Variants in RAB43 observed in about 807,000 individuals in gnomAD.
The protein encoded by RAB43 is RAB43, member RAS oncogene family.
In RAB43, 6 loss-of-function variants were observed where a neutral mutation model predicts 18.8. The ratio of observed to expected loss-of-function variants is 0.32; its 90% confidence interval spans 0.17 to 0.63. The LOEUF is 0.63. Among genes scored for constraint, RAB43 ranks in the 30% least tolerant of loss-of-function variants. The pLI is 0.79. For synonymous variants in RAB43, 103 were observed against 124.1 expected (o/e 0.83, Z 1.13); for missense variants, 195 against 289.1 (o/e 0.67, Z 2.36).
rs115733565 is a variant in RAB43, at chr3:129,107,013, G to A, written c.205-11844C>T. Reference sequence around the variant, plus strand: ...GCACAGTAACCCACGACGTTTTGCAGGCCTGGTGAAAGCAAGGGGCCAGAG... The same window carrying A: ...GCACAGTAACCCACGACGTTTTGCAAGCCTGGTGAAAGCAAGGGGCCAGAG... On this transcript the variant is annotated intron_variant, in intron 1 of 2. Transcript: ENST00000315150. The surrounding 1 kb of genome is among the most constrained non-coding windows in gnomAD (Gnocchi z 4.2). Among the ~76,000 whole-genome samples the A allele has an allele frequency of 5.2e-3, 791 of 152,330 alleles. 7 individuals carry two copies. The highest frequency in any genetic ancestry group is 0.016 in the African/African-American group (677 of 41,572).
At position 129,107,229 on chromosome 3, in the gene RAB43, T is replaced by C. The variant is rs564879484; in HGVS notation, c.205-12060A>G. ...CTCCGAAGCCTGGTGTCCTTTACCA[T>C]GGACGCGGCTCCTCCGCAAGCACAT... On this transcript the variant is annotated intron_variant, in intron 1 of 2. Transcript: ENST00000315150. The surrounding 1 kb of genome is among the most constrained non-coding windows in gnomAD (Gnocchi z 4.2). Among the ~76,000 whole-genome samples, 4 of 152,326 alleles carry C rather than the reference T, an allele frequency of 2.6e-5. No homozygotes were observed. Among genetic ancestry groups the C allele is most frequent in the East Asian group, 1.9e-4 (1 of 5,172 alleles).
intron 2 of RAB43, among the ~76,000 whole-genome samples, chr3:129,094,685 T>G (rs954866166): frequency 6.6e-6 from 1 of 151,692 alleles, no homozygotes; most frequent in African/African-American, 2.4e-5. Context: ...CGGCTAATTT[T>G]TTTTTATTTT....
upstream of RAB43, chr3:129,121,850 G>T (rs1424111718): frequency 2.1e-5 from 1 of 47,410 alleles, no homozygotes; most frequent in Admixed American, 2.4e-4. Context: ...CCCCGGCTCC[G>T]CCCTCAGGCT....
chr3:129,093,134 G>C (rs1043648531), intron 2 of RAB43, among the ~76,000 whole-genome samples: 1 of 151,868 alleles, frequency 6.6e-6, no homozygotes, highest in Non-Finnish European at 1.5e-5. Context: ...GGGATTACAG[G>C]TGTGTGCCAC....
Position 129,121,424 on chromosome 3 carries a change from C to G in RAB43, c.66G>C (p.Val22=). 6.2e-7 allele frequency: 1 copy of G among 1,613,392 alleles called. No individual in the cohort carries two copies. The highest frequency in any genetic ancestry group is 8.5e-7 in the Non-Finnish European group (1 of 1,179,678). The change falls in exon 1 of 3, where the codon GTG becomes GTC. Residue 22 remains valine (V), a synonymous_variant. Coordinates refer to ENST00000315150, the MANE Select transcript of RAB43 (RefSeq NM_198490.3). Reference sequence around the variant, plus strand: ...TGCCCACGCTTGCGTCGCCCACCAGCACCAGCTTGAACAGGAAATCGTACT... The same window carrying G: ...TGCCCACGCTTGCGTCGCCCACCAGGACCAGCTTGAACAGGAAATCGTACT... ...DEQYDFLFKL[V]LVGDASVGKT...
chr3:129,092,471 A>C (rs898921634), intron 2 of RAB43: 13 of 696,674 alleles, frequency 1.9e-5, no homozygotes, highest in Middle Eastern at 2.3e-4. Context: ...TCATTATTAT[A>C]CTATTCTAAG....
chr3:129,112,294 C>A (rs567985595), intron 1 of RAB43, among the ~76,000 whole-genome samples: 3 of 151,766 alleles, frequency 2.0e-5, no homozygotes, highest in East Asian at 3.9e-4. Flanking sequence ...AATAAAAAAC[C>A]CCCAAAATCA....
At chr3:129,112,960 A>C (rs1935263675) in intron 1 of RAB43, among the ~76,000 whole-genome samples, 2 of 152,004 alleles carry the variant, frequency 1.3e-5, no homozygotes, top group South Asian at 4.2e-4. Context: ...TATGTTGTCC[A>C]GGCTTCTTTT....
At chr3:129,120,764 C>T (rs995628175) in intron 1 of RAB43, among the ~76,000 whole-genome samples, 1 of 152,176 alleles carries the variant, frequency 6.6e-6, no homozygotes, top group African/African-American at 2.4e-5. Context: ...CGTGGCCAGG[C>T]CGGAAATTCT....
At chr3:129,103,801 G>A (rs1162178060) in intron 1 of RAB43, among the ~76,000 whole-genome samples, 2 of 152,156 alleles carry the variant, frequency 1.3e-5, no homozygotes, top group African/African-American at 4.8e-5. Flanking sequence ...CTGACCTCAG[G>A]TGATCTGCCC....
At chr3:129,094,643 C>T (rs1559994721) in intron 2 of RAB43, among the ~76,000 whole-genome samples, 1 of 150,620 alleles carries the variant, frequency 6.6e-6, no homozygotes, top group Non-Finnish European at 1.5e-5. Context: ...GCCTCCCCAG[C>T]AGCTGGGACT....
intron 2 of RAB43, chr3:129,092,352 T>C (rs934942138): frequency 2.1e-6 from 1 of 479,848 alleles, no homozygotes; most frequent in Non-Finnish European, 3.7e-6. Context: ...AATGGTTTGA[T>C]GTGAATTTGT....
chr3:129,116,975 A>C (rs1576850355), intron 1 of RAB43, among the ~76,000 whole-genome samples: 1 of 151,908 alleles, frequency 6.6e-6, no homozygotes, highest in African/African-American at 2.4e-5. Flanking sequence ...GGGAGGGGCA[A>C]ATTCAGACCT....
chr3:129,095,648 G>C lies in RAB43; in HGVS notation c.205-479C>G, dbSNP rs1484411553. ...ATTAGGGTTCCCTCAGGACTCTACA[G>C]CTTGGTGATGAGGACTGTGGGAAGG... is the stretch of plus-strand genomic sequence containing the variant. On this transcript the variant is annotated intron_variant, in intron 1 of 2. Coordinates refer to ENST00000315150, the MANE Select transcript of RAB43 (RefSeq NM_198490.3). The surrounding 1 kb of genome is among the most constrained non-coding windows in gnomAD (Gnocchi z 4.2). Among the ~76,000 whole-genome samples, 1 of 152,220 alleles carries C rather than the reference G, an allele frequency of 6.6e-6. No individual in the cohort carries two copies. Among genetic ancestry groups the C allele is most frequent in the Non-Finnish European group, 1.5e-5 (1 of 68,036 alleles).
chr3:129,098,939 G>A (rs1336294667), intron 1 of RAB43, among the ~76,000 whole-genome samples: 1 of 151,852 alleles, frequency 6.6e-6, no homozygotes, highest in African/African-American at 2.4e-5. Context: ...CAGGCATCGT[G>A]GTATGCTCCT....
chr3:129,101,060 C>T (rs1934382887), intron 1 of RAB43, among the ~76,000 whole-genome samples: 1 of 152,208 alleles, frequency 6.6e-6, no homozygotes, highest in African/African-American at 2.4e-5. Flanking sequence ...CCCGCCATGG[C>T]CTCCCAAAGT....
At chr3:129,102,991 C>A (rs1020606266) in intron 1 of RAB43, among the ~76,000 whole-genome samples, 1 of 152,204 alleles carries the variant, frequency 6.6e-6, no homozygotes, top group Non-Finnish European at 1.5e-5. Context: ...GCAAGTAGAC[C>A]CACCCTGTGG....
chr3:129,104,376 T>A (rs1934620391), intron 1 of RAB43, among the ~76,000 whole-genome samples: 1 of 152,192 alleles, frequency 6.6e-6, no homozygotes, highest in Non-Finnish European at 1.5e-5. Flanking sequence ...CCCTCTCACC[T>A]AGCATATCAC....
intron 2 of RAB43, among the ~76,000 whole-genome samples, chr3:129,094,758 C>A (rs1416832883): frequency 6.6e-6 from 1 of 151,618 alleles, no homozygotes; most frequent in African/African-American, 2.4e-5. Context: ...ACCTTGTGAT[C>A]CGCCCGCCTC....
Sources: allele counts gnomAD v4.1 joint callset (sites outside exome capture counted in the v4.1 genomes callset), GRCh38; gene constraint gnomAD v4.1.1; non-coding constraint Gnocchi (gnomAD v3.1); transcripts MANE v1.5; gene names NCBI Gene and HGNC (gene_info 2026-07-23, HGNC 2026-07-21).